MAPK10: variants seen among roughly 807,000 people sequenced by gnomAD.
The protein encoded by MAPK10 is mitogen-activated protein kinase 10, also known as JNK3 alpha protein kinase.
In MAPK10, 25 loss-of-function variants were observed where a neutral mutation model predicts 59.3. That is an observed-to-expected ratio of 0.42 (90% CI 0.31 to 0.59). The LOEUF (loss-of-function observed/expected upper bound fraction) is 0.59. Among genes scored for constraint, MAPK10 ranks in the 20% least tolerant of loss-of-function variants. The probability of loss-of-function intolerance (pLI) is 0.15; values close to 1 mark genes in which losing one functional copy is unlikely to be tolerated. For missense variants in MAPK10, 351 were observed against 568.9 expected, an observed-to-expected ratio of 0.62 and a Z score of 3.90; for synonymous variants, 190 against 200.5, an observed-to-expected ratio of 0.95 and a Z score of 0.44.
rs140543544 is a variant in MAPK10 at position 86,369,728 on chromosome 4, A to G, written c.-121-15084T>C. Among the ~76,000 whole-genome samples the G allele has an allele frequency of 4.3e-3, 655 of 152,340 alleles. 5 individuals carry two copies. The highest frequency in any genetic ancestry group is 0.015 in the African/African-American group (620 of 41,584). ...TTGAAAATTGTCCAAATTCATGAAA[A>G]TAGTGCAATGATAATAGTAGTTAAA... On this transcript the variant is annotated intron_variant, in intron 1 of 13. Coordinates refer to the MAPK10 transcript ENST00000361569.
chr4:86,351,294 T>G (rs1016287889), intron 2 of MAPK10, among the ~76,000 whole-genome samples: 1 of 151,416 alleles, frequency 6.6e-6, no homozygotes, highest in East Asian at 1.9e-4. Context: ...GCAATATATA[T>G]ATGACAATGT....
At chr4:86,390,440 C>T (rs941682831) in intron 1 of MAPK10, among the ~76,000 whole-genome samples, 1 of 152,110 alleles carries the variant, frequency 6.6e-6, no homozygotes, top group African/African-American at 2.4e-5. Context: ...AGTTCCATAC[C>T]CTCCCCTTCC....
At chr4:86,469,480 C>A (rs539670525) in intron 1 of MAPK10, among the ~76,000 whole-genome samples, 37 of 152,236 alleles carry the variant, frequency 2.4e-4, no homozygotes, top group Middle Eastern at 6.8e-3. Context: ...CTCCTGGATT[C>A]TATGGTTCTG....
Position 86,115,619 on chromosome 4 carries a change from G to A in MAPK10, c.237-8267C>T, listed in dbSNP as rs139793081. On this transcript the variant is annotated intron_variant, in intron 4 of 13. Transcript: ENST00000641462. ...TGGGATTACAGTCATGCGCCACCAC[G>A]CCCAGCTTATTTTGTATTTTTAGTA... 1.8e-4 allele frequency among the ~76,000 whole-genome samples: 27 copies of A among 152,002 alleles called. No individual in the cohort carries two copies. In the East Asian group the frequency reaches 2.7e-3, roughly 15 times the overall value.
intron 4 of MAPK10, among the ~76,000 whole-genome samples, chr4:86,128,687 CTA>C (rs2060485930): frequency 6.6e-6 from 1 of 151,972 alleles, no homozygotes; most frequent in South Asian, 2.1e-4. Flanking sequence ...GTCCTTTTTA[CTA>C]TGTTTGCTAT....
chr4:86,450,145 T>C (rs1750533402), intron 1 of MAPK10, among the ~76,000 whole-genome samples: 1 of 152,224 alleles, frequency 6.6e-6, no homozygotes, highest in African/African-American at 2.4e-5. Context: ...TAATTTGTCA[T>C]AGCAGCAATA....
intron 1 of MAPK10, among the ~76,000 whole-genome samples, chr4:86,388,817 T>C (rs988300408): frequency 2.6e-5 from 4 of 152,268 alleles, no homozygotes; most frequent in African/African-American, 9.6e-5. Flanking sequence ...ATGCATGAAA[T>C]GTACTCAACA....
chr4:86,337,729 C>G (rs1722370936), intron 2 of MAPK10, among the ~76,000 whole-genome samples: 1 of 152,248 alleles, frequency 6.6e-6, no homozygotes. Flanking sequence ...TTGCTAATTC[C>G]CTGGAGAACC....
At chr4:86,193,985 C>T (rs545334360) in intron 3 of MAPK10, 3 of 240,590 alleles carry the variant, frequency 1.2e-5, no homozygotes, top group South Asian at 1.4e-4. Context: ...TCATGGCTTC[C>T]CTTGGCTAGG....
intron 9 of MAPK10, among the ~76,000 whole-genome samples, chr4:86,070,495 C>T (rs2149000433): frequency 6.6e-6 from 1 of 150,766 alleles, no homozygotes; most frequent in Non-Finnish European, 1.5e-5. Flanking sequence ...CACCCACTAA[C>T]TCGTCATCTA....
At chr4:86,327,785 C>CAAAAAAAAAAAAAAAAAAAAA (rs5860023) in intron 2 of MAPK10, 1 of 68,896 alleles carries the variant, frequency 1.5e-5, no homozygotes, top group Non-Finnish European at 2.5e-5. Flanking sequence ...ACTAAAAATA[C>CAAAAAAAAAAAAAAAAAAAAA]AAAAAAAAAA....
chr4:86,193,608 C>T (rs1406712847), intron 3 of MAPK10: 1 of 152,354 alleles, frequency 6.6e-6, no homozygotes, highest in Admixed American at 6.5e-5. Context: ...TCCCCCCAAC[C>T]AAGCTTGAGC....
At chr4:86,432,979 G>A (rs1748242116) in intron 1 of MAPK10, among the ~76,000 whole-genome samples, 1 of 152,160 alleles carries the variant, frequency 6.6e-6, no homozygotes, top group Admixed American at 6.5e-5. Context: ...GTAGAACAAA[G>A]GGTAAAAGCT....
intron 4 of MAPK10, among the ~76,000 whole-genome samples, chr4:86,134,140 C>A (rs2149149172): frequency 6.6e-6 from 1 of 152,274 alleles, no homozygotes; most frequent in Middle Eastern, 3.4e-3. Context: ...CCTATTAATT[C>A]TGTGAATGTG....
At chr4:86,088,426 T>C (rs979594106) in intron 9 of MAPK10, among the ~76,000 whole-genome samples, 2 of 152,160 alleles carry the variant, frequency 1.3e-5, no homozygotes, top group Non-Finnish European at 2.9e-5. Context: ...GCTCAAGTGA[T>C]CCTTCCACTT....
At chr4:86,421,021 G>T (rs1257116957) in intron 1 of MAPK10, among the ~76,000 whole-genome samples, 1 of 151,988 alleles carries the variant, frequency 6.6e-6, no homozygotes, top group Non-Finnish European at 1.5e-5. Flanking sequence ...GGCAGAGGTT[G>T]CAGTGAGCCG....
intron 11 of MAPK10, among the ~76,000 whole-genome samples, chr4:86,060,524 C>T (rs952282772): frequency 1.3e-5 from 2 of 152,114 alleles, no homozygotes; most frequent in South Asian, 2.1e-4. Flanking sequence ...TCTGTAGCTC[C>T]ACTCTCAGTG....
chr4:86,357,286 C>A (rs1197603587), intron 1 of MAPK10, among the ~76,000 whole-genome samples: 1 of 152,140 alleles, frequency 6.6e-6, no homozygotes, highest in African/African-American at 2.4e-5. Context: ...ATTTAACAAA[C>A]AAGTAAATAC....
At chr4:86,450,795 A>G (rs2149054716) in intron 1 of MAPK10, among the ~76,000 whole-genome samples, 1 of 152,362 alleles carries the variant, frequency 6.6e-6, no homozygotes, top group East Asian at 1.9e-4. Flanking sequence ...GCACTTTCAA[A>G]AAGAACATTA....
Sources: gnomAD v4.1 joint callset for allele counts (sites outside exome capture counted in the v4.1 genomes callset) on GRCh38, gnomAD v4.1.1 for gene constraint, MANE v1.5 for transcripts, NCBI Gene and HGNC (gene_info 2026-07-23, HGNC 2026-07-21) for gene names.